NMBR: variants seen among roughly 807,000 people sequenced by gnomAD.
NMBR encodes the protein neuromedin B receptor.
A neutral mutation model predicts 20.5 loss-of-function variants in NMBR; 16 were observed. That is an observed-to-expected ratio of 0.78 (90% CI 0.53 to 1.19). The LOEUF is 1.19. Ranked by LOEUF, NMBR falls within the 50% of genes most tolerant of loss-of-function variation. NMBR has a pLI of 0.00. For synonymous variants in NMBR, 212 were observed against 196.6 expected, an observed-to-expected ratio of 1.08 and a Z score of -0.65; for missense variants, 582 against 499.1, an observed-to-expected ratio of 1.17 and a Z score of -1.58.
In NMBR at chr6:142,128,514, T is replaced by C. The variant is rs971251506; in HGVS notation, c.-664+18530A>G. 3.9e-5 allele frequency among the ~76,000 whole-genome samples: 6 copies of C among 152,212 alleles called. No homozygotes were observed. In the East Asian group the frequency reaches 7.8e-4, roughly 20 times the overall value. On this transcript the variant is annotated intron_variant, in intron 1 of 3. Transcript: ENST00000258042. Reference sequence around the variant, plus strand: ...ATGTTAGCAGTGGGCTTTTCATATATGGCCTTTATTATGTTGAGGTAAGTT... The same window carrying C: ...ATGTTAGCAGTGGGCTTTTCATATACGGCCTTTATTATGTTGAGGTAAGTT...
At chr6:142,121,302 CA>C (rs1261377331) in intron 1 of NMBR, among the ~76,000 whole-genome samples, 1 of 151,878 alleles carries the variant, frequency 6.6e-6, no homozygotes, top group African/African-American at 2.4e-5. Context: ...AATAACCCAA[CA>C]AAGGCCTCTA....
chr6:142,121,032 C>G (rs1363909254), intron 1 of NMBR, among the ~76,000 whole-genome samples: 1 of 151,948 alleles, frequency 6.6e-6, no homozygotes, highest in Non-Finnish European at 1.5e-5. Flanking sequence ...CTCTGTATCA[C>G]ATTTTGGGAA....
intron 1 of NMBR, among the ~76,000 whole-genome samples, chr6:142,123,666 A>C (rs147107342): frequency 2.8e-4 from 42 of 151,946 alleles, no homozygotes; most frequent in Non-Finnish European, 4.9e-4. Flanking sequence ...TCAAGGCGAG[A>C]CCCTCCACGG....
Position 142,088,695 on chromosome 6 carries a change from G to T in NMBR, c.-37C>A. 1 of 1,559,976 alleles carries T rather than the reference G, an allele frequency of 6.4e-7. No homozygotes were observed. Among genetic ancestry groups the T allele is most frequent in the Non-Finnish European group, 8.7e-7 (1 of 1,154,362 alleles). The stretch of plus-strand genomic sequence containing the variant: ...CAGCAGAGTCCGCTGGAGTTTTCAC[G>T]CGCTCCGGTGCCCTGAGGACTGAAC... On this transcript the variant is annotated 5_prime_UTR_variant, in exon 2 of 4. Coordinates refer to ENST00000258042, the MANE Select transcript of NMBR (RefSeq NM_002511.4).
chr6:142,109,142 T>C (rs1777714592), intron 1 of NMBR, among the ~76,000 whole-genome samples: 1 of 152,190 alleles, frequency 6.6e-6, no homozygotes, highest in South Asian at 2.1e-4. Flanking sequence ...ATAGCTTGCA[T>C]TGCGAGTCTG....
intron 1 of NMBR, among the ~76,000 whole-genome samples, chr6:142,097,657 G>C (rs1007141066): frequency 6.6e-6 from 1 of 151,958 alleles, no homozygotes. Context: ...TAAAATATCT[G>C]GCTGACATGC....
At chr6:142,116,409 G>T (rs1418131819) in intron 1 of NMBR, among the ~76,000 whole-genome samples, 1 of 151,942 alleles carries the variant, frequency 6.6e-6, no homozygotes, top group South Asian at 2.1e-4. Flanking sequence ...GACACAAATA[G>T]AGGCCCTCAA....
chr6:142,079,094 AAGAG>A (rs1181099175), intron 2 of NMBR, among the ~76,000 whole-genome samples, 191 bp from the exon 3 acceptor site: 3 of 48,938 alleles, frequency 6.1e-5, no homozygotes, highest in Non-Finnish European at 1.1e-4. Context: ...GAAAGAGAGA[AAGAG>A]AGAGAGAGAA....
At chr6:142,094,774 C>T (rs1264864423) in intron 1 of NMBR, among the ~76,000 whole-genome samples, 1 of 152,120 alleles carries the variant, frequency 6.6e-6, no homozygotes, top group Non-Finnish European at 1.5e-5. Flanking sequence ...TTGATTCTTC[C>T]TACCCATGAG....
intron 1 of NMBR, among the ~76,000 whole-genome samples, chr6:142,097,769 G>T (rs1265176221): frequency 6.6e-6 from 1 of 152,054 alleles, no homozygotes; most frequent in African/African-American, 2.4e-5. Flanking sequence ...ACAGATGATA[G>T]ATGTATAAAA....
chr6:142,098,787 C>T (rs570150911), intron 1 of NMBR, among the ~76,000 whole-genome samples: 2 of 152,160 alleles, frequency 1.3e-5, no homozygotes, highest in East Asian at 3.9e-4. Flanking sequence ...ATCATAATCC[C>T]AGAAAGGTAA....
intron 1 of NMBR, among the ~76,000 whole-genome samples, chr6:142,137,538 T>C (rs1778283880): frequency 1.3e-5 from 2 of 152,162 alleles, no homozygotes; most frequent in African/African-American, 4.8e-5. Flanking sequence ...CTATGTTGAA[T>C]AGGAGTGGTG....
chr6:142,095,251 C>T (rs2114574564), intron 1 of NMBR, among the ~76,000 whole-genome samples: 1 of 152,188 alleles, frequency 6.6e-6, no homozygotes, highest in South Asian at 2.1e-4. Flanking sequence ...GGGAATGCTT[C>T]CGGTTTTTGC....
At chr6:142,146,113 T>TG (rs973431860) in intron 1 of NMBR, among the ~76,000 whole-genome samples, 2 of 152,086 alleles carry the variant, frequency 1.3e-5, no homozygotes, top group African/African-American at 4.8e-5. Flanking sequence ...CCGCTGAGAT[T>TG]GGGGAAGAAG....
chr6:142,088,212 C>A, intron 2 of NMBR, 25 bp downstream of exon 2: 1 of 1,596,884 alleles, frequency 6.3e-7, no homozygotes, highest in South Asian at 1.1e-5. Flanking sequence ...TTTTCCAAGC[C>A]ACTCACAGCT....
At position 142,078,679 on chromosome 6, in the gene NMBR, A is replaced by G. The variant is rs1184818611; in HGVS notation, c.647T>C (p.Ile216Thr). 3 of 1,613,966 alleles carry G rather than the reference A, an allele frequency of 1.9e-6. No homozygotes were observed. The highest frequency in any genetic ancestry group is 1.1e-5 in the South Asian group (1 of 91,068). Residue 216 changes from isoleucine (I) to threonine (T), a missense_variant, in exon 3 of 4, where the codon ATT (isoleucine) becomes ACT (threonine). Transcript: ENST00000258042. ...TGGTATGAGGAAATAGACCAAGAAA[A>G]TGAGCACTGAATGAATCTTTGGATG... Reference protein sequence around the residue: ...ELHPKIHSVLIFLVYFLIPLA... With the variant: ...ELHPKIHSVLTFLVYFLIPLA...
At chr6:142,099,427 C>T (rs1196006821) in intron 1 of NMBR, among the ~76,000 whole-genome samples, 5 of 151,898 alleles carry the variant, frequency 3.3e-5, no homozygotes, top group African/African-American at 1.2e-4. Flanking sequence ...ACATGGTGGC[C>T]GAAAAGAGAC....
At chr6:142,137,820 C>A (rs1022647063) in intron 1 of NMBR, among the ~76,000 whole-genome samples, 16 of 152,062 alleles carry the variant, frequency 1.1e-4, no homozygotes, top group Non-Finnish European at 1.0e-4. Context: ...CATATTGAAC[C>A]AGCCTTGCAT....
chr6:142,076,232 C>A (rs185930763), intron 3 of NMBR, among the ~76,000 whole-genome samples, 183 bp from the exon 4 acceptor site: 47 of 152,248 alleles, frequency 3.1e-4, no homozygotes, highest in African/African-American at 1.1e-3. Flanking sequence ...TTATTTTGGT[C>A]TCTACATTAT....
Sources: gnomAD v4.1 joint callset for allele counts (sites outside exome capture counted in the v4.1 genomes callset) on GRCh38, gnomAD v4.1.1 for gene constraint, MANE v1.5 for transcripts, NCBI Gene and HGNC (gene_info 2026-07-23, HGNC 2026-07-21) for gene names.